KIAA1217: variants seen among roughly 807,000 people sequenced by gnomAD.
KIAA1217 encodes KIAA1217.
A neutral mutation model predicts 163.9 loss-of-function variants in KIAA1217; 88 were observed. That is an observed-to-expected ratio of 0.54 (90% confidence interval 0.45 to 0.64). The LOEUF (loss-of-function observed/expected upper bound fraction) is 0.64. KIAA1217 is among the 30% of genes least tolerant of loss of function. KIAA1217 has a pLI of 0.00. For synonymous variants in KIAA1217, 903 were observed against 923.1 expected (o/e 0.98, Z 0.39); for missense variants, 2,372 against 2,475.0 (o/e 0.96, Z 0.88).
Position 23,779,500 on chromosome 10 carries a change from G to A in KIAA1217, c.-321+84266G>A, listed in dbSNP as rs891861129. Among the ~76,000 whole-genome samples the A allele has an allele frequency of 3.3e-5, 5 of 152,082 alleles. No individual in the cohort carries two copies. The South Asian group carries it at 1.0e-3, about 32-fold the overall frequency. ...CTCAGTGTGAATGTTTTCGGTCAAG[G>A]CCAGGTGACTAATAGATACTTAACT... On this transcript the variant is annotated intron_variant, in intron 1 of 18. Transcript: ENST00000376462.
intron 2 of KIAA1217, chr10:24,042,559 G>C (rs1848691087): frequency 1.3e-5 from 2 of 152,134 alleles, no homozygotes; most frequent in African/African-American, 4.8e-5. Flanking sequence ...TAACAATACT[G>C]ACCGGTAACT....
intron 1 of KIAA1217, among the ~76,000 whole-genome samples, chr10:23,832,676 A>C (rs2131043907): frequency 6.6e-6 from 1 of 152,288 alleles, no homozygotes. Context: ...GCTGTATCCC[A>C]GGGACCAGGG....
At position 24,380,958 on chromosome 10, in the gene KIAA1217, G is replaced by C. The variant is rs531305542; in HGVS notation, c.444G>C (p.Leu148Phe). 4.4e-6 allele frequency: 7 copies of C among 1,608,904 alleles called. No individual in the cohort carries two copies. Among genetic ancestry groups the C allele is most frequent in the Non-Finnish European group, 5.9e-6 (7 of 1,177,258 alleles). ...TATCAGAGACGTCCGCTGATTCTTTGGAAGCCATGTCTGAGGGGGATGCTC... is the reference window on the plus strand; with the variant it reads ...TATCAGAGACGTCCGCTGATTCTTTCGAAGCCATGTCTGAGGGGGATGCTC... ...EHLSETSADS[L>F]EAMSEGDAPT... Residue 148 changes from leucine to phenylalanine, a missense_variant, in exon 3 of 21, where the codon TTG becomes TTC. By Grantham distance (22) the Leu-to-Phe change is conservative. This residue lies in a region of KIAA1217 where 1,431 missense variants were observed against 1,470.3 expected (regional missense o/e 0.97). Coordinates refer to ENST00000376454, the MANE Select transcript of KIAA1217 (RefSeq NM_019590.5).
chr10:23,728,753 T>A (rs1838307861), intron 1 of KIAA1217, among the ~76,000 whole-genome samples: 1 of 152,178 alleles, frequency 6.6e-6, no homozygotes, highest in African/African-American at 2.4e-5. Context: ...AAAGTAGACT[T>A]TTTTTAGAGC....
At chr10:24,478,382 A>C (rs1241120230) in intron 6 of KIAA1217, among the ~76,000 whole-genome samples, 1 of 152,194 alleles carries the variant, frequency 6.6e-6, no homozygotes, top group Admixed American at 6.5e-5. Flanking sequence ...CTTTCTTTCT[A>C]AAGATGCTTC....
intron 1 of KIAA1217, among the ~76,000 whole-genome samples, chr10:23,834,274 C>T (rs946119448): frequency 6.6e-6 from 1 of 152,120 alleles, no homozygotes; most frequent in African/African-American, 2.4e-5. Context: ...GTTGCCCTTC[C>T]ACTTTGGCTC....
intron 2 of KIAA1217, among the ~76,000 whole-genome samples, chr10:24,036,682 G>A (rs1393349928): frequency 6.6e-6 from 1 of 152,094 alleles, no homozygotes; most frequent in Non-Finnish European, 1.5e-5. Flanking sequence ...AGAGAGAGAC[G>A]GGAGGGCCCC....
chr10:24,177,214 C>T (rs1333138717), intron 2 of KIAA1217, among the ~76,000 whole-genome samples: 4 of 130,472 alleles, frequency 3.1e-5, no homozygotes, highest in Admixed American at 8.7e-5. Flanking sequence ...GAGGAGGCAC[C>T]GAAAGCGAGC....
rs148700879 is a variant in KIAA1217 at position 23,735,358 on chromosome 10, G to T, written c.-321+40124G>T. On this transcript the variant is annotated intron_variant, in intron 1 of 18. Coordinates refer to the KIAA1217 transcript ENST00000376462. ...AAGCCATTCTCTGCCTCAGCCTCCT[G>T]AGTAGCTGGGATTACAGAGTGGCAT... 2.7e-4 allele frequency among the ~76,000 whole-genome samples: 41 copies of T among 152,154 alleles called. No individual in the cohort carries two copies. In the East Asian group the frequency reaches 7.5e-3, roughly 28 times the overall value.
chr10:24,190,687 A>C (rs2066676673), intron 2 of KIAA1217, among the ~76,000 whole-genome samples: 3 of 152,170 alleles, frequency 2.0e-5, no homozygotes, highest in African/African-American at 4.8e-5. Context: ...TGTTTAAGGG[A>C]AGGCAGGCTG....
intron 1 of KIAA1217, among the ~76,000 whole-genome samples, chr10:23,853,313 C>A (rs1046461343): frequency 6.6e-6 from 1 of 152,118 alleles, no homozygotes; most frequent in African/African-American, 2.4e-5. Flanking sequence ...TGCTGGATTA[C>A]ATTTATTGAT....
At chr10:24,080,179 C>T (rs1406500655) in intron 2 of KIAA1217, among the ~76,000 whole-genome samples, 3 of 152,076 alleles carry the variant, frequency 2.0e-5, no homozygotes, top group African/African-American at 7.2e-5. Flanking sequence ...GTTTCTTGTA[C>T]GTGTATTGGA....
At chr10:23,838,348 C>T (rs1264999479) in intron 1 of KIAA1217, among the ~76,000 whole-genome samples, 1 of 152,132 alleles carries the variant, frequency 6.6e-6, no homozygotes, top group East Asian at 1.9e-4. Context: ...TTGTTGTAAA[C>T]ATCCCAAAGT....
chr10:24,090,409 G>A (rs1216495378), intron 2 of KIAA1217, among the ~76,000 whole-genome samples: 1 of 135,492 alleles, frequency 7.4e-6, no homozygotes, highest in Non-Finnish European at 1.5e-5. Context: ...CAAACTCCCG[G>A]CCTCAAGCAG....
chr10:24,500,397 CGTGT>C lies in KIAA1217; in HGVS notation c.1835-961_1835-958del, dbSNP rs10667719. Among the ~76,000 whole-genome samples, 88 of 125,850 alleles carry C rather than the reference CGTGT, an allele frequency of 7.0e-4. 1 individual carries two copies. The highest frequency in any genetic ancestry group is 4.3e-3 in the Middle Eastern group (1 of 232). 82.6% of individuals were successfully genotyped at this position (125,850 alleles called of 152,430 possible). The stretch of plus-strand genomic sequence containing the variant: ...AGCCTCTACTCCAGAAGAGTGTGTG[CGTGT>C]GTGTGTGTGTGTGTGTGTGTCTTTA... On this transcript the variant is annotated intron_variant, in intron 8 of 20. Coordinates refer to ENST00000376454, the MANE Select transcript of KIAA1217 (RefSeq NM_019590.5).
At chr10:24,003,140 G>GT (rs889196840) in intron 1 of KIAA1217, among the ~76,000 whole-genome samples, 4 of 151,802 alleles carry the variant, frequency 2.6e-5, no homozygotes, top group African/African-American at 7.3e-5. Context: ...TTTGTTTTTT[G>GT]TTTTTTGTTT....
At chr10:24,086,884 A>G (rs1045815157) in intron 2 of KIAA1217, among the ~76,000 whole-genome samples, 9 of 152,136 alleles carry the variant, frequency 5.9e-5, no homozygotes, top group East Asian at 1.9e-4. Flanking sequence ...TGTTTCCTCC[A>G]TTTGTCCCGT....
intron 2 of KIAA1217, among the ~76,000 whole-genome samples, chr10:24,144,059 A>C (rs2064200180): frequency 6.6e-6 from 1 of 152,216 alleles, no homozygotes; most frequent in Non-Finnish European, 1.5e-5. Flanking sequence ...CAGAATCTAG[A>C]TAGAAAAGTG....
At chr10:23,882,788 G>A (rs1202932065) in intron 1 of KIAA1217, among the ~76,000 whole-genome samples, 1 of 151,930 alleles carries the variant, frequency 6.6e-6, no homozygotes, top group Admixed American at 6.6e-5. Flanking sequence ...TATAAACCCT[G>A]CTCTTTGTGA....
Sources: gnomAD v4.1 joint callset for allele counts (sites outside exome capture counted in the v4.1 genomes callset) on GRCh38, gnomAD v4.1.1 for gene constraint, gnomAD v4.1.1 regional missense constraint, MANE v1.5 for transcripts, NCBI Gene and HGNC (gene_info 2026-07-23, HGNC 2026-07-21) for gene names.